Variants in COL21A1 observed in about 807,000 individuals in gnomAD.
The protein encoded by COL21A1 is collagen alpha-1(XXI) chain.
In COL21A1, 149 loss-of-function variants were observed where a neutral mutation model predicts 137.9. The observed-to-expected ratio is 1.08, with a 90% CI of 0.95 to 1.24. The LOEUF is 1.24. Among genes scored for constraint, COL21A1 ranks in the 50% most tolerant of loss-of-function variants. COL21A1 has a pLI of 0.00. For missense variants in COL21A1, 1,167 were observed against 1,158.4 expected, an observed-to-expected ratio of 1.01 and a Z score of -0.11; for synonymous variants, 456 against 391.5, an observed-to-expected ratio of 1.16 and a Z score of -1.95.
At chr6:56,093,804 T>C (rs1275531205) in intron 17 of COL21A1, among the ~76,000 whole-genome samples, 1 of 152,166 alleles carries the variant, frequency 6.6e-6, no homozygotes, top group African/African-American at 2.4e-5. Flanking sequence ...ATCAAAACCT[T>C]GTAAGTTTCC....
intron 17 of COL21A1, among the ~76,000 whole-genome samples, chr6:56,100,659 A>G (rs1409780713): frequency 6.6e-6 from 1 of 152,154 alleles, no homozygotes; most frequent in Non-Finnish European, 1.5e-5. Context: ...AGGTAATAGC[A>G]TTATATAGAA....
chr6:56,224,473 T>C lies in COL21A1; in HGVS notation c.-39+22914A>G, dbSNP rs138793039. The stretch of plus-strand genomic sequence containing the variant: ...GTCATAGTCTGTACTTTATTTTATA[T>C]GTAATTAAAACAAAAATACTATTTT... On this transcript the variant is annotated intron_variant, in intron 1 of 29. Coordinates refer to ENST00000244728, the MANE Select transcript of COL21A1 (RefSeq NM_030820.4). Among the ~76,000 whole-genome samples the C allele has an allele frequency of 1.7e-3, 265 of 152,252 alleles. 2 individuals carry two copies. Among genetic ancestry groups the C allele is most frequent in the African/African-American group, 6.1e-3 (254 of 41,582 alleles).
chr6:56,325,977 T>A (rs1303074415), intron 1 of COL21A1, among the ~76,000 whole-genome samples: 2 of 658 alleles, frequency 3.0e-3, no homozygotes, highest in Non-Finnish European at 3.8e-3. Context: ...ATATTATATA[T>A]TATATAATAT....
intron 17 of COL21A1, chr6:56,077,791 G>C (rs985989650): frequency 4.3e-6 from 2 of 467,368 alleles, no homozygotes; most frequent in Admixed American, 7.8e-5. Flanking sequence ...TTAAATAAAG[G>C]CTTTTTGAAA....
At chr6:56,079,841 CT>C (rs1401198970) in intron 17 of COL21A1, among the ~76,000 whole-genome samples, 3 of 151,558 alleles carry the variant, frequency 2.0e-5, no homozygotes, top group African/African-American at 7.3e-5. Context: ...ATTATTACTT[CT>C]TTTACAAATA....
At chr6:56,213,634 A>T (rs957036040) in intron 1 of COL21A1, among the ~76,000 whole-genome samples, 1 of 151,992 alleles carries the variant, frequency 6.6e-6, no homozygotes, top group Non-Finnish European at 1.5e-5. Context: ...AAGCACATAC[A>T]TTTCATTATT....
At chr6:56,307,872 T>A (rs970045037) in intron 1 of COL21A1, among the ~76,000 whole-genome samples, 1 of 152,164 alleles carries the variant, frequency 6.6e-6, no homozygotes, top group African/African-American at 2.4e-5. Flanking sequence ...CTCCACCCCC[T>A]CTTTAATTTT....
At chr6:56,280,984 G>A (rs1011180548) in intron 1 of COL21A1, among the ~76,000 whole-genome samples, 5 of 152,050 alleles carry the variant, frequency 3.3e-5, no homozygotes, top group African/African-American at 1.2e-4. Flanking sequence ...CAGCCTGGGC[G>A]ACAGACAGAG....
chr6:56,268,294 C>T (rs867588939), intron 1 of COL21A1, among the ~76,000 whole-genome samples: 25 of 152,116 alleles, frequency 1.6e-4, no homozygotes, highest in Admixed American at 5.2e-4. Context: ...CCCCACAGCC[C>T]GGAACATCTA....
chr6:56,202,429 C>A (rs1779473094), intron 1 of COL21A1, among the ~76,000 whole-genome samples: 2 of 152,184 alleles, frequency 1.3e-5, no homozygotes, highest in South Asian at 4.1e-4. Flanking sequence ...GACCACTTTG[C>A]CATTCTCTTT....
intron 1 of COL21A1, among the ~76,000 whole-genome samples, chr6:56,229,633 C>A (rs1781422711): frequency 6.6e-6 from 1 of 151,890 alleles, no homozygotes; most frequent in African/African-American, 2.4e-5. Flanking sequence ...GGCTCTGCTC[C>A]ACATTCCTCA....
At chr6:56,120,440 C>T (rs142912298) in intron 16 of COL21A1, among the ~76,000 whole-genome samples, 1 of 152,296 alleles carries the variant, frequency 6.6e-6, no homozygotes, top group Non-Finnish European at 1.5e-5. Context: ...CACTTGTACA[C>T]TGTTGGTGGG....
At chr6:56,350,812 C>T (rs1438550740) in intron 1 of COL21A1, among the ~76,000 whole-genome samples, 1 of 152,224 alleles carries the variant, frequency 6.6e-6, no homozygotes, top group Admixed American at 6.5e-5. Flanking sequence ...CAAGTTACAG[C>T]GTTAGTGCGA....
chr6:56,170,302 A>C (rs909652014), intron 5 of COL21A1, among the ~76,000 whole-genome samples: 1 of 151,842 alleles, frequency 6.6e-6, no homozygotes, highest in Non-Finnish European at 1.5e-5. Flanking sequence ...GTCATCACTT[A>C]TTAGCTGTTC....
upstream of COL21A1, among the ~76,000 whole-genome samples, chr6:56,251,854 C>T (rs1469869172): frequency 6.6e-6 from 1 of 152,190 alleles, no homozygotes; most frequent in African/African-American, 2.4e-5. Context: ...TATGTAAATG[C>T]AAAACTTAAA....
In COL21A1 at chr6:56,179,706, C is replaced by T; in HGVS notation, c.512G>A (p.Gly171Asp). The T allele has an allele frequency of 6.2e-7, 1 of 1,613,956 alleles. No individual in the cohort carries two copies. The highest frequency in any genetic ancestry group is 8.5e-7 in the Non-Finnish European group (1 of 1,179,882). Residue 171 changes from glycine (G) to aspartate (D), a missense_variant, in exon 3 of 30, where the codon GGT becomes GAT. Gly to Asp is a moderately conservative substitution (Grantham distance 94). Transcript: ENST00000244728. ...SKITLFAIGV[G>D]SETEDAELRA... ...AAGTTCGGCATCTTCTGTTTCTGAACCAACACCAATAGCAAATAATGTTAT... is the reference window on the plus strand; with the variant it reads ...AAGTTCGGCATCTTCTGTTTCTGAATCAACACCAATAGCAAATAATGTTAT...
chr6:56,084,238 T>C (rs1020681860), intron 17 of COL21A1, among the ~76,000 whole-genome samples: 1 of 150,630 alleles, frequency 6.6e-6, no homozygotes, highest in African/African-American at 2.4e-5. Flanking sequence ...ATAAAAAACA[T>C]TAATAAGAGA....
chr6:56,172,902 C>T (rs2397204), intron 3 of COL21A1, among the ~76,000 whole-genome samples: 115,154 of 151,604 alleles, frequency 0.76, 44,363 homozygotes, highest in African/African-American at 0.88. Context: ...AAAATACCTA[C>T]GGAAGATAAA....
chr6:56,133,488 G>A (rs1773732363), intron 12 of COL21A1, among the ~76,000 whole-genome samples: 2 of 152,200 alleles, frequency 1.3e-5, no homozygotes, highest in Admixed American at 1.3e-4. Context: ...TTTGCAGCCT[G>A]ATAATGTGAT....
Sources: allele counts gnomAD v4.1 joint callset (sites outside exome capture counted in the v4.1 genomes callset), GRCh38; gene constraint gnomAD v4.1.1; transcripts MANE v1.5; gene names NCBI Gene and HGNC (gene_info 2026-07-23, HGNC 2026-07-21).